RNGTT: variants seen among roughly 807,000 people sequenced by gnomAD.
RNGTT encodes the protein mRNA-capping enzyme.
A neutral mutation model predicts 79.3 loss-of-function variants in RNGTT; 33 were observed. The ratio of observed to expected loss-of-function variants is 0.42; its 90% CI spans 0.32 to 0.56. The LOEUF is 0.56. Ranked by LOEUF, RNGTT falls within the 20% of genes least tolerant of loss-of-function variation. RNGTT has a pLI of 0.17. For synonymous variants in RNGTT, 222 were observed against 235.9 expected (o/e 0.94, Z 0.54); for missense variants, 497 against 739.1 (o/e 0.67, Z 3.80).
At chr6:88,628,019 T>C (rs1228664556) in intron 14 of RNGTT, among the ~76,000 whole-genome samples, 1 of 152,154 alleles carries the variant, frequency 6.6e-6, no homozygotes, top group African/African-American at 2.4e-5. Context: ...AACAACTATA[T>C]TTCTTCTACT....
intron 1 of RNGTT, among the ~76,000 whole-genome samples, chr6:88,962,524 G>A (rs1227391861): frequency 6.6e-6 from 1 of 151,898 alleles, no homozygotes; most frequent in African/African-American, 2.4e-5. Context: ...TGTAATCCCA[G>A]CACTTTGGGA....
At chr6:88,915,166 G>T (rs1371516926) in intron 4 of RNGTT, among the ~76,000 whole-genome samples, 2 of 152,148 alleles carry the variant, frequency 1.3e-5, no homozygotes, top group Non-Finnish European at 2.9e-5. Context: ...TACACTGTTG[G>T]GGGGAATGTA....
intron 4 of RNGTT, among the ~76,000 whole-genome samples, chr6:88,910,478 C>T (rs1367334803): frequency 6.6e-6 from 1 of 152,108 alleles, no homozygotes; most frequent in African/African-American, 2.4e-5. Context: ...ATGAACAAAG[C>T]CTCTGAGAAA....
chr6:88,720,023 A>G (rs9344845), intron 13 of RNGTT, among the ~76,000 whole-genome samples: 17,405 of 152,218 alleles, frequency 0.11, 1,120 homozygotes, highest in Middle Eastern at 0.23. Context: ...CTCTGTGGCT[A>G]GCGGTTTAGA....
At chr6:88,910,317 T>C (rs554610446) in intron 4 of RNGTT, among the ~76,000 whole-genome samples, 1 of 152,194 alleles carries the variant, frequency 6.6e-6, no homozygotes, top group East Asian at 1.9e-4. Flanking sequence ...CACAGGAATT[T>C]CAAAATACAA....
rs1781423508 is a variant in RNGTT, at chr6:88,844,483, C to T, written c.1143G>A (p.Leu381=). The T allele has an allele frequency of 1.9e-6, 3 of 1,612,060 alleles. No homozygotes were observed. Among genetic ancestry groups the T allele is most frequent in the Non-Finnish European group, 2.5e-6 (3 of 1,179,466 alleles). ...PVGDCDFNVR[L]QCIEREIISP... ...TTATAATTTCTCGTTCTATACACTG[C>T]AGACGAACATTAAAATCACAATCTC... Residue 381 remains leucine (L), a synonymous_variant, in exon 11 of 16, where the codon CTG becomes CTA. Coordinates refer to ENST00000369485, the MANE Select transcript of RNGTT (RefSeq NM_003800.5).
chr6:88,742,128 G>A (rs1241363954), intron 13 of RNGTT, among the ~76,000 whole-genome samples: 1 of 152,156 alleles, frequency 6.6e-6, no homozygotes, highest in Non-Finnish European at 1.5e-5. Context: ...ATGGTGTAAA[G>A]CAAAAATGCT....
At chr6:88,894,159 A>G (rs1244737765) in intron 6 of RNGTT, among the ~76,000 whole-genome samples, 4 of 152,164 alleles carry the variant, frequency 2.6e-5, no homozygotes, top group Non-Finnish European at 5.9e-5. Flanking sequence ...GCACGTGCTG[A>G]TACTGCTCAT....
chr6:88,906,257 T>C (rs539486192), intron 5 of RNGTT, 108 bp downstream of exon 5: 1 of 652,052 alleles, frequency 1.5e-6, no homozygotes, highest in African/African-American at 1.8e-5. Context: ...TCAAATTACA[T>C]TAATCATGAG....
chr6:88,733,489 AAGG>A (rs1425072875), intron 13 of RNGTT, among the ~76,000 whole-genome samples: 1 of 152,082 alleles, frequency 6.6e-6, no homozygotes, highest in Admixed American at 6.6e-5. Context: ...AGAATACCAA[AAGG>A]AGAAGAAAAA....
intron 11 of RNGTT, among the ~76,000 whole-genome samples, chr6:88,803,711 T>C (rs887354455): frequency 6.6e-6 from 1 of 151,976 alleles, no homozygotes; most frequent in Non-Finnish European, 1.5e-5. Flanking sequence ...TAATCTTTCA[T>C]TTGCTCTACT....
At chr6:88,804,271 T>C (rs970623462) in intron 11 of RNGTT, among the ~76,000 whole-genome samples, 21 of 152,174 alleles carry the variant, frequency 1.4e-4, no homozygotes, top group Admixed American at 4.6e-4. Context: ...CTAAATAAAG[T>C]CTTATGACTC....
chr6:88,917,579 G>C (rs1316683434), intron 4 of RNGTT, among the ~76,000 whole-genome samples: 11 of 152,168 alleles, frequency 7.2e-5, no homozygotes, highest in Admixed American at 7.2e-4. Flanking sequence ...AAAATTATCA[G>C]AGTTTAGAAA....
intron 13 of RNGTT, among the ~76,000 whole-genome samples, chr6:88,729,387 A>AG (rs1777031599): frequency 6.8e-6 from 1 of 146,336 alleles, no homozygotes; most frequent in African/African-American, 2.7e-5. Flanking sequence ...AACCAGAAAA[A>AG]GAAAAAAAAA....
intron 12 of RNGTT, among the ~76,000 whole-genome samples, chr6:88,773,510 AAT>A (rs1554216070): frequency 2.0e-5 from 3 of 151,578 alleles, no homozygotes; most frequent in Non-Finnish European, 4.4e-5. Context: ...AAAAAAAAAA[AAT>A]CTTGAAAAAA....
intron 12 of RNGTT, among the ~76,000 whole-genome samples, chr6:88,782,429 A>G (rs1006376958): frequency 6.6e-5 from 10 of 152,114 alleles, no homozygotes; most frequent in Non-Finnish European, 1.5e-4. Flanking sequence ...TTTAAACACA[A>G]AAGTGGAAAC....
At chr6:88,936,876 T>C (rs2127956869) in intron 2 of RNGTT, among the ~76,000 whole-genome samples, 1 of 152,352 alleles carries the variant, frequency 6.6e-6, no homozygotes, top group South Asian at 2.1e-4. Flanking sequence ...GGTGAAGGCA[T>C]CCGGTCCTAG....
At chr6:88,743,087 T>C (rs1777547996) in intron 13 of RNGTT, among the ~76,000 whole-genome samples, 1 of 152,202 alleles carries the variant, frequency 6.6e-6, no homozygotes, top group Non-Finnish European at 1.5e-5. Context: ...TTAATTTTTG[T>C]ATTAAAAATG....
Position 88,963,470 on chromosome 6 carries a change from C to T in RNGTT, c.-61G>A, listed in dbSNP as rs1785719724. ...ACGTTCACCGCGCCTTTGGAGCCGC[C>T]TCCCCGTGGTCCGGTGCACACCGGG... is the stretch of plus-strand genomic sequence containing the variant. On this transcript the variant is annotated 5_prime_UTR_variant, in exon 1 of 16. Coordinates refer to ENST00000369485, the MANE Select transcript of RNGTT (RefSeq NM_003800.5). The T allele has an allele frequency of 6.8e-7, 1 of 1,480,690 alleles. No homozygotes were observed. Among genetic ancestry groups the T allele is most frequent in the Admixed American group, 2.2e-5 (1 of 46,198 alleles). 91.7% of individuals were successfully genotyped at this position (1,480,690 alleles called of 1,614,324 possible). A position where few individuals can be genotyped will look rare whatever the true frequency, so the allele number is the denominator to read the frequency against.
Sources: allele counts gnomAD v4.1 joint callset (sites outside exome capture counted in the v4.1 genomes callset), GRCh38; gene constraint gnomAD v4.1.1; transcripts MANE v1.5; gene names NCBI Gene and HGNC (gene_info 2026-07-23, HGNC 2026-07-21).